The following AMPH variants were observed in gnomAD, a reference collection of about 807,000 sequenced individuals.
The protein encoded by AMPH is amphiphysin, also known as amphiphysin (Stiff-Mann syndrome with breast cancer 128kD autoantigen).
A neutral mutation model predicts 99.1 loss-of-function variants in AMPH; 49 were observed. The ratio of observed to expected loss-of-function variants is 0.49; its 90% confidence interval spans 0.39 to 0.63. The LOEUF is 0.63. Among genes scored for constraint, AMPH ranks in the 20% least tolerant of loss-of-function variants. The probability of loss-of-function intolerance (pLI) is 0.00; values close to 1 mark genes in which losing one functional copy is unlikely to be tolerated. For synonymous variants in AMPH, 314 were observed against 317.3 expected, an observed-to-expected ratio of 0.99 and a Z score of 0.11; for missense variants, 759 against 863.4, an observed-to-expected ratio of 0.88 and a Z score of 1.52.
intron 20 of AMPH, among the ~76,000 whole-genome samples, chr7:38,387,521 G>A (rs559523682): frequency 3.3e-5 from 5 of 152,044 alleles, no homozygotes; most frequent in African/African-American, 7.2e-5. Flanking sequence ...ATTTAACTAC[G>A]AACTCAAAGT....
At chr7:38,416,884 G>T (rs1785399941) in intron 17 of AMPH, among the ~76,000 whole-genome samples, 1 of 152,164 alleles carries the variant, frequency 6.6e-6, no homozygotes, top group African/African-American at 2.4e-5. Flanking sequence ...CTTGATTAAT[G>T]AACTGTTGAT....
At chr7:38,461,243 G>T in intron 11 of AMPH, 40 bp downstream of exon 11, 1 of 1,610,200 alleles carries the variant, frequency 6.2e-7, no homozygotes, top group African/African-American at 1.3e-5. Context: ...TTCCACCATG[G>T]GACTTTCATG....
intron 18 of AMPH, among the ~76,000 whole-genome samples, chr7:38,393,499 T>C (rs1784575018): frequency 6.6e-6 from 1 of 152,200 alleles, no homozygotes; most frequent in African/African-American, 2.4e-5. Flanking sequence ...ACGGACCTAA[T>C]GGCCCTGGTC....
chr7:38,560,309 C>T (rs747319010), intron 1 of AMPH, among the ~76,000 whole-genome samples: 38 of 152,196 alleles, frequency 2.5e-4, no homozygotes, highest in Non-Finnish European at 4.6e-4. Context: ...ACACAGCCAT[C>T]TCATCCCAAC....
At chr7:38,432,147 G>C in intron 13 of AMPH, 42 bp downstream of exon 13, 2 of 1,557,560 alleles carry the variant, frequency 1.3e-6, no homozygotes, top group Non-Finnish European at 1.8e-6. Flanking sequence ...CAAATTTCTG[G>C]GGATCAAGAT....
chr7:38,466,811 C>A (rs563843358), intron 7 of AMPH, among the ~76,000 whole-genome samples: 2 of 152,182 alleles, frequency 1.3e-5, no homozygotes, highest in East Asian at 3.9e-4. Flanking sequence ...ATTCTAACTG[C>A]TCATCAAAAA....
intron 1 of AMPH, among the ~76,000 whole-genome samples, chr7:38,565,189 C>A (rs1262017551): frequency 6.6e-6 from 1 of 151,492 alleles, no homozygotes; most frequent in Non-Finnish European, 1.5e-5. Flanking sequence ...TAAATGATTC[C>A]TTTAAATAAT....
intron 1 of AMPH, among the ~76,000 whole-genome samples, chr7:38,561,770 A>T (rs1327103945): frequency 1.3e-5 from 2 of 152,088 alleles, no homozygotes; most frequent in Non-Finnish European, 2.9e-5. Context: ...AGCCCCCATA[A>T]TGAGATTAAC....
At chr7:38,529,229 C>G (rs1790304487) in intron 2 of AMPH, among the ~76,000 whole-genome samples, 1 of 152,150 alleles carries the variant, frequency 6.6e-6, no homozygotes, top group Admixed American at 6.5e-5. Context: ...ACATGACCAC[C>G]AAATCTTTAT....
chr7:38,389,176 C>A (rs1784423241), intron 20 of AMPH, among the ~76,000 whole-genome samples: 1 of 152,158 alleles, frequency 6.6e-6, no homozygotes, highest in Non-Finnish European at 1.5e-5. Flanking sequence ...AATATGTTTA[C>A]AGATGCATTT....
At chr7:38,545,911 A>T (rs1023012888) in intron 1 of AMPH, among the ~76,000 whole-genome samples, 1 of 152,238 alleles carries the variant, frequency 6.6e-6, no homozygotes, top group Non-Finnish European at 1.5e-5. Context: ...AAATAACCTG[A>T]TACAAAACAA....
At chr7:38,565,044 A>C (rs369031099) in intron 1 of AMPH, among the ~76,000 whole-genome samples, 21 of 151,826 alleles carry the variant, frequency 1.4e-4, no homozygotes, top group African/African-American at 4.6e-4. Context: ...GAATGGCGTG[A>C]ACCCGGGAGG....
intron 2 of AMPH, among the ~76,000 whole-genome samples, chr7:38,521,398 G>A (rs1344983033): frequency 6.6e-6 from 1 of 152,146 alleles, no homozygotes; most frequent in African/African-American, 2.4e-5. Flanking sequence ...GCAGGCACCT[G>A]TAATCCCACC....
At chr7:38,465,663 T>A in intron 8 of AMPH, 114 bp from the exon 9 acceptor site, 1 of 877,998 alleles carries the variant, frequency 1.1e-6, no homozygotes, top group South Asian at 1.6e-5. Context: ...TTATGATAGC[T>A]TGGATGGCCT....
At chr7:38,539,061 A>G (rs2129041955) in intron 1 of AMPH, among the ~76,000 whole-genome samples, 1 of 152,352 alleles carries the variant, frequency 6.6e-6, no homozygotes, top group South Asian at 2.1e-4. Context: ...GTCCAGAAAA[A>G]TCATTATTTG....
intron 1 of AMPH, among the ~76,000 whole-genome samples, chr7:38,565,996 T>C (rs1401995413): frequency 6.6e-6 from 1 of 152,216 alleles, no homozygotes; most frequent in East Asian, 1.9e-4. Context: ...CATATGAAAA[T>C]ATTAACAGGG....
At position 38,411,610 on chromosome 7, in the gene AMPH, A is replaced by G. The variant is rs1182167527; in HGVS notation, c.1398+6215T>C. On this transcript the variant is annotated intron_variant, in intron 17 of 20. Coordinates refer to ENST00000356264, the MANE Select transcript of AMPH (RefSeq NM_001635.4). ...GTTGGTTCCATATTATCCATGGACT[A>G]AACAAATCCCAACACTGCCACCTGT... Among the ~76,000 whole-genome samples, 4 of 152,192 alleles carry G rather than the reference A, an allele frequency of 2.6e-5. No individual in the cohort carries two copies. The East Asian group carries it at 7.7e-4, about 29-fold the overall frequency.
At position 38,538,337 on chromosome 7, in the gene AMPH, T is replaced by A. The variant is rs146999430; in HGVS notation, c.70-3326A>T. 4.5e-3 allele frequency among the ~76,000 whole-genome samples: 686 copies of A among 152,318 alleles called. 5 individuals carry two copies. The highest frequency in any genetic ancestry group is 0.017 in the Middle Eastern group (5 of 294). On this transcript the variant is annotated intron_variant, in intron 1 of 20. Coordinates refer to ENST00000356264, the MANE Select transcript of AMPH (RefSeq NM_001635.4). ...AATCCTCTTCATATTTACTAAAGAC[T>A]GTGTGTCAAACACTGGGCTAAGGGG...
chr7:38,526,229 C>A (rs1399240709), intron 2 of AMPH, among the ~76,000 whole-genome samples: 1 of 151,696 alleles, frequency 6.6e-6, no homozygotes, highest in Non-Finnish European at 1.5e-5. Context: ...TCTTTGCCAT[C>A]CACATATCTA....
Sources: allele counts gnomAD v4.1 joint callset (sites outside exome capture counted in the v4.1 genomes callset), GRCh38; gene constraint gnomAD v4.1.1; transcripts MANE v1.5; gene names NCBI Gene and HGNC (gene_info 2026-07-23, HGNC 2026-07-21).